Variants in GSDME observed in about 807,000 individuals in gnomAD.
GSDME encodes gasdermin E, also known as gasdermin-E.
Under a neutral mutation model 47.5 loss-of-function variants are expected in GSDME, and 44 were observed. That is an observed-to-expected ratio of 0.93 (90% confidence interval 0.73 to 1.19). The LOEUF (loss-of-function observed/expected upper bound fraction) is 1.19. Ranked by LOEUF, GSDME falls within the 50% of genes most tolerant of loss-of-function variation. The pLI, the probability that GSDME is intolerant of heterozygous loss-of-function variation, is 0.00. For synonymous variants in GSDME, 258 were observed against 252.8 expected (o/e 1.02, Z -0.20); for missense variants, 663 against 604.2 (o/e 1.10, Z -1.02).
rs727505338 is a variant in GSDME, at chr7:24,702,799, A to G, written c.1218T>C (p.Thr406=). The change falls in exon 9 of 10, where the codon ACT becomes ACC. Residue 406 remains threonine (T), a synonymous_variant. Transcript: ENST00000645220. ...TGGGAATGATCTGGAGTTTGCAGCA[A>G]GTGCCCAGCAGAGCTGCTGCGCTAT... ...MPDSAAALLG[T]CCKLQIIPTL... is the part of the protein sequence containing the mutation. 1.2e-5 allele frequency: 20 copies of G among 1,613,674 alleles called. No individual in the cohort carries two copies. Among genetic ancestry groups the G allele is most frequent in the South Asian group, 2.2e-5 (2 of 91,054 alleles).
At chr7:24,752,930 C>G (rs1790901659) in intron 1 of GSDME, among the ~76,000 whole-genome samples, 1 of 151,864 alleles carries the variant, frequency 6.6e-6, no homozygotes, top group South Asian at 2.1e-4. Flanking sequence ...AGTAAAGACA[C>G]CAATCCTCCC....
chr7:24,699,237 C>CCAT lies in GSDME; in HGVS notation c.1277_1279dup (p.Asp426dup). 2 of 1,613,482 alleles carry CCAT rather than the reference C, an allele frequency of 1.2e-6. No homozygotes were observed. The highest frequency in any genetic ancestry group is 8.5e-7 in the Non-Finnish European group (1 of 1,179,406). On this transcript the variant is annotated inframe_insertion, in exon 10 of 10. Coordinates refer to ENST00000645220, the MANE Select transcript of GSDME (RefSeq NM_001127453.2). The stretch of plus-strand genomic sequence containing the variant: ...GGTTGGGTCTTCAAGATCAGATACT[C>CCAT]CATCATCAGACAGAGCACGAAGCTG...
rs371802634 is a variant in GSDME, at chr7:24,706,211, C to A, written c.1156G>T (p.Ala386Ser). The change falls in exon 8 of 10, where the codon GCC becomes TCC. Residue 386 changes from alanine (A) to serine (S), a missense_variant. By Grantham distance (99) the Ala-to-Ser change is moderately conservative (BLOSUM62 1). Transcript: ENST00000645220. ...GCGAGGGCACTGACCAAGAAGTAGG[C>A]TGTCATAAACAGCTGCTTGCTGCCT... ...DAGSKQLFMT[A>S]YFLVSALAEM... 1 of 1,614,124 alleles carries A rather than the reference C, an allele frequency of 6.2e-7. No individual in the cohort carries two copies. The highest frequency in any genetic ancestry group is 1.3e-5 in the African/African-American group (1 of 74,948).
rs543184019 is a variant in GSDME at position 24,742,637 on chromosome 7, G to T, written c.404+1925C>A. On this transcript the variant is annotated intron_variant, in intron 3 of 9. Coordinates refer to ENST00000645220, the MANE Select transcript of GSDME (RefSeq NM_001127453.2). This position sits in a 1 kb window ranked among gnomAD's most constrained non-coding sequence, Gnocchi z 4.4. ...ACCTATATCGAGAAATGTGATTATA[G>T]GACATTGCCAAACTGTGCTTCTTGA... 1.3e-5 allele frequency among the ~76,000 whole-genome samples: 2 copies of T among 152,246 alleles called. No individual in the cohort carries two copies. The highest frequency in any genetic ancestry group is 3.9e-4 in the East Asian group (2 of 5,186).
At position 24,735,071 on chromosome 7, in the gene GSDME, T is replaced by C. The variant is rs1332862338; in HGVS notation, c.404+9491A>G. Among the ~76,000 whole-genome samples, 2 of 152,172 alleles carry C rather than the reference T, an allele frequency of 1.3e-5. No individual in the cohort carries two copies. The highest frequency in any genetic ancestry group is 2.9e-5 in the Non-Finnish European group (2 of 68,028). On this transcript the variant is annotated intron_variant, in intron 3 of 9. Transcript: ENST00000645220. The surrounding 1 kb of genome is among the most constrained non-coding windows in gnomAD (Gnocchi z 4.4). ...GCAGCAAGAAACTAACTGCATACAA[T>C]GGAGCTCCAATATGTTTGGCAGCAG...
the GSDME span, among the ~76,000 whole-genome samples, chr7:24,784,569 G>A: frequency 7.2e-5 from 11 of 151,920 alleles, no homozygotes; most frequent in Admixed American, 7.2e-4. Flanking sequence ...GATGAGAGTG[G>A]GAAGACTTAG....
chr7:24,709,742 C>G (rs1442573855), intron 6 of GSDME, among the ~76,000 whole-genome samples: 1 of 152,220 alleles, frequency 6.6e-6, no homozygotes, highest in East Asian at 1.9e-4. Flanking sequence ...CCCTCTTCCT[C>G]TTTGGCACCA....
chr7:24,762,271 A>C (rs1791178836), upstream of GSDME, among the ~76,000 whole-genome samples: 1 of 151,492 alleles, frequency 6.6e-6, no homozygotes, highest in Non-Finnish European at 1.5e-5. Flanking sequence ...AAAAGCCATA[A>C]AAGAAAGTGG....
chr7:24,720,993 G>C (rs1268885121), intron 3 of GSDME, among the ~76,000 whole-genome samples: 1 of 151,836 alleles, frequency 6.6e-6, no homozygotes, highest in Non-Finnish European at 1.5e-5. Flanking sequence ...ACACACTCCA[G>C]GGACAAATGA....
At chr7:24,700,089 C>T (rs1788802258) in intron 9 of GSDME, among the ~76,000 whole-genome samples, 1 of 151,862 alleles carries the variant, frequency 6.6e-6, no homozygotes, top group Non-Finnish European at 1.5e-5. Context: ...ACCCCCAGCC[C>T]CAGAACTCAG....
the GSDME span, among the ~76,000 whole-genome samples, chr7:24,784,431 G>A: frequency 6.6e-6 from 1 of 152,104 alleles, no homozygotes; most frequent in Non-Finnish European, 1.5e-5. Context: ...AGCCAACAGT[G>A]CAGACTTCAG....
chr7:24,712,589 C>T lies in GSDME; in HGVS notation c.698-2201G>A, dbSNP rs1005011503. Among the ~76,000 whole-genome samples the T allele has an allele frequency of 3.9e-5, 6 of 152,192 alleles. No homozygotes were observed. Among genetic ancestry groups the T allele is most frequent in the African/African-American group, 1.4e-4 (6 of 41,440 alleles). ...ACAAAGGACTACAACCAGGCCTTGA[C>T]GATGAGTGTGGTAAGAGTGGGGACA... On this transcript the variant is annotated intron_variant, in intron 5 of 9. Coordinates refer to ENST00000645220, the MANE Select transcript of GSDME (RefSeq NM_001127453.2). The surrounding 1 kb of genome is among the most constrained non-coding windows in gnomAD (Gnocchi z 4.4).
At chr7:24,715,655 A>G (rs1789524554) in intron 5 of GSDME, 1 of 316,104 alleles carries the variant, frequency 3.2e-6, no homozygotes, top group African/African-American at 2.3e-5. Flanking sequence ...GATCCTCTTC[A>G]TGATGCACTT....
chr7:24,786,510 GGTT>G, the GSDME span, among the ~76,000 whole-genome samples: 10 of 152,116 alleles, frequency 6.6e-5, no homozygotes, highest in South Asian at 1.0e-3. The surrounding 1 kb of genome is among the most constrained non-coding windows in gnomAD (Gnocchi z 5.5). Flanking sequence ...GCCTAAATGG[GGTT>G]GTTGTGAGGC....
At chr7:24,788,900 T>C in the GSDME span, among the ~76,000 whole-genome samples, 2 of 152,218 alleles carry the variant, frequency 1.3e-5, no homozygotes, top group African/African-American at 4.8e-5. This position sits in a 1 kb window ranked among gnomAD's most constrained non-coding sequence, Gnocchi z 4.6. Flanking sequence ...CATAGGAAAA[T>C]TGGCAATAAT....
In GSDME at chr7:24,708,319, A is replaced by G. The variant is rs1789205993; in HGVS notation, c.863-65T>C. 3.8e-6 allele frequency: 6 copies of G among 1,596,392 alleles called. No individual in the cohort carries two copies. In the South Asian group the frequency reaches 4.5e-5, roughly 12 times the overall value. On this transcript the variant is annotated intron_variant, in intron 6 of 9. Coordinates refer to ENST00000645220, the MANE Select transcript of GSDME (RefSeq NM_001127453.2). ...GCACATCTCACGACGTCGGACAGCA[A>G]CTCCTGCTTTTTATACCTAATCGTC... is the stretch of plus-strand genomic sequence containing the variant.
the GSDME span, among the ~76,000 whole-genome samples, chr7:24,769,561 AG>A: frequency 6.6e-6 from 1 of 152,134 alleles, no homozygotes; most frequent in Non-Finnish European, 1.5e-5. Context: ...TAATGGGGGG[AG>A]GGAACTAAGT....
chr7:24,721,593 GGGTGTGCCGAGCA>G lies in GSDME; in HGVS notation c.405-2388_405-2376del, dbSNP rs1789789826. 6.6e-6 allele frequency among the ~76,000 whole-genome samples: 1 copy of G among 152,202 alleles called. No individual in the cohort carries two copies. Among genetic ancestry groups the G allele is most frequent in the Non-Finnish European group, 1.5e-5 (1 of 68,034 alleles). On this transcript the variant is annotated intron_variant, in intron 3 of 9. Transcript: ENST00000645220. This position sits in a 1 kb window ranked among gnomAD's most constrained non-coding sequence, Gnocchi z 4.1. ...ATGACATGCATGCAGTGAGCCATTA[GGGTGTGCCGAGCA>G]CAGAGTTAAATGCCACACAAACACT...
At chr7:24,734,401 G>A (rs1790237575) in intron 3 of GSDME, among the ~76,000 whole-genome samples, 4 of 152,208 alleles carry the variant, frequency 2.6e-5, no homozygotes. Context: ...ACATCCACAA[G>A]CATCAAGACA....
Sources: gnomAD v4.1 joint callset for allele counts (sites outside exome capture counted in the v4.1 genomes callset) on GRCh38, gnomAD v4.1.1 for gene constraint, Gnocchi (gnomAD v3.1) non-coding constraint, MANE v1.5 for transcripts, NCBI Gene and HGNC (gene_info 2026-07-23, HGNC 2026-07-21) for gene names.